The following SLC35D2 variants were observed in gnomAD, a reference collection of about 807,000 sequenced individuals.
SLC35D2 encodes the protein solute carrier family 35 member D2.
A neutral mutation model predicts 41.8 loss-of-function variants in SLC35D2; 43 were observed. The observed-to-expected ratio is 1.03, with a 90% CI of 0.81 to 1.33. The LOEUF (loss-of-function observed/expected upper bound fraction) is 1.33, where lower values mean the gene tolerates loss of function less well. Ranked by LOEUF, SLC35D2 falls within the 40% of genes most tolerant of loss-of-function variation. The probability of loss-of-function intolerance (pLI) is 0.00; values close to 1 mark genes in which losing one functional copy is unlikely to be tolerated. For missense variants in SLC35D2, 380 were observed against 408.4 expected, an observed-to-expected ratio of 0.93 and a Z score of 0.60; for synonymous variants, 150 against 163.9, an observed-to-expected ratio of 0.92 and a Z score of 0.65.
intron 4 of SLC35D2, among the ~76,000 whole-genome samples, chr9:96,355,535 C>T (rs1463387136): frequency 6.7e-6 from 1 of 150,346 alleles, no homozygotes. Context: ...TTTCGCTCGT[C>T]GCCCAGGCTG....
rs1191766180 is a variant in SLC35D2 at position 96,321,261 on chromosome 9, C to T, written c.995G>A (p.Cys332Tyr). The T allele has an allele frequency of 6.2e-7, 1 of 1,613,728 alleles. No homozygotes were observed. Among genetic ancestry groups the T allele is most frequent in the African/African-American group, 1.3e-5 (1 of 75,038 alleles). ...KPKPVGEENI[C>Y]LDLKS ...GACTCTTTAGCTCTTCAAATCCAAA[C>T]AGATGTTTTCTTCACCCACAGGTTT... is the stretch of plus-strand genomic sequence containing the variant. Residue 332 changes from cysteine (C) to tyrosine (Y), a missense_variant, in exon 12 of 12, where the codon TGT becomes TAT. Physicochemically the swap from Cys to Tyr is radical, Grantham distance 194 (BLOSUM62 -2). Coordinates refer to ENST00000253270, the MANE Select transcript of SLC35D2 (RefSeq NM_007001.3).
Position 96,352,104 on chromosome 9 carries a change from G to C in SLC35D2, c.353C>G (p.Pro118Arg). Residue 118 changes from proline (P) to arginine (R), a missense_variant, in exon 5 of 12, where the codon CCG becomes CGG. Physicochemically the swap from Pro to Arg is moderately radical, Grantham distance 103. Transcript: ENST00000253270. ...GAATTTCCTGAGCACGGTGAACATC[G>C]GTAGGCTGCCAGGAAAAGAGTGAAG... The part of the protein sequence containing the change: ...GLSSTSKLSL[P>R]MFTVLRKFTI... 6.2e-7 allele frequency: 1 copy of C among 1,609,846 alleles called. No homozygotes were observed. The highest frequency in any genetic ancestry group is 8.5e-7 in the Non-Finnish European group (1 of 1,177,272).
At chr9:96,373,884 AGTT>A (rs1587723175) in intron 1 of SLC35D2, 2 of 152,216 alleles carry the variant, frequency 1.3e-5, no homozygotes, top group African/African-American at 4.8e-5. Context: ...TATTTTAGGA[AGTT>A]GTTGTTAAGT....
intron 4 of SLC35D2, among the ~76,000 whole-genome samples, chr9:96,355,363 A>C (rs931150322): frequency 4.6e-5 from 7 of 151,928 alleles, no homozygotes; most frequent in African/African-American, 7.2e-5. Flanking sequence ...GAATGTCTGT[A>C]GTCTCAGCCA....
Position 96,322,062 on chromosome 9 carries a change from T to C in SLC35D2, c.850A>G (p.Ile284Val), listed in dbSNP as rs1253655747. The change falls in exon 11 of 12, where the codon ATT (isoleucine) becomes GTT (valine). Residue 284 changes from isoleucine (I) to valine (V), a missense_variant. Ile to Val is a conservative substitution (Grantham distance 29). Coordinates refer to ENST00000253270, the MANE Select transcript of SLC35D2 (RefSeq NM_007001.3). ...GAIKNVSVAY[I>V]GILIGGDYIF... The stretch of plus-strand genomic sequence containing the variant: ...TAGTCTCCACCGATTAATATCCCAA[T>C]GTAGGCAACGGATACATTCTGCAGA... The C allele has an allele frequency of 5.6e-6, 9 of 1,603,610 alleles. No individual in the cohort carries two copies. Among genetic ancestry groups the C allele is most frequent in the South Asian group, 2.2e-5 (2 of 90,596 alleles).
intron 1 of SLC35D2, among the ~76,000 whole-genome samples, chr9:96,373,032 T>C (rs1041213651): frequency 1.3e-5 from 2 of 151,810 alleles, no homozygotes; most frequent in African/African-American, 4.8e-5. Context: ...TCCGAATGTC[T>C]GGGATTACAG....
At chr9:96,376,055 G>C (rs1478686856) in intron 1 of SLC35D2, among the ~76,000 whole-genome samples, 1 of 151,750 alleles carries the variant, frequency 6.6e-6, no homozygotes, top group Non-Finnish European at 1.5e-5. Context: ...TAGCACTTTG[G>C]GAGGCTGAGG....
chr9:96,342,172 G>A lies in SLC35D2; in HGVS notation c.684+1732C>T, dbSNP rs58606368. ...GTCACCCAGGCTGGAGTGCAATAGC[G>A]TGATCTCGGCTCACTGCAACCTCTG... is the stretch of plus-strand genomic sequence containing the variant. On this transcript the variant is annotated intron_variant, in intron 8 of 11. Transcript: ENST00000253270. Among the ~76,000 whole-genome samples the A allele has an allele frequency of 2.5e-3, 377 of 151,868 alleles. 1 individual carries two copies. The highest frequency in any genetic ancestry group is 8.5e-3 in the African/African-American group (351 of 41,402).
rs112662298 is a variant in SLC35D2, at chr9:96,349,532, C to CTT, written c.488+1569_488+1570dup. On this transcript the variant is annotated intron_variant, in intron 6 of 11. Coordinates refer to ENST00000253270, the MANE Select transcript of SLC35D2 (RefSeq NM_007001.3). Reference sequence around the variant, plus strand: ...TCTCAATCTGCTCTTTTGTCAGTTCCTTTTTTTTTTTGAGATGGAGTCTCA... The same window carrying CTT: ...TCTCAATCTGCTCTTTTGTCAGTTCCTTTTTTTTTTTTTGAGATGGAGTCTCA... 1.5e-3 allele frequency among the ~76,000 whole-genome samples: 215 copies of CTT among 146,958 alleles called. 1 individual carries two copies. The highest frequency in any genetic ancestry group is 5.1e-3 in the African/African-American group (205 of 40,366).
At chr9:96,373,088 T>C (rs1830780275) in intron 1 of SLC35D2, among the ~76,000 whole-genome samples, 1 of 151,280 alleles carries the variant, frequency 6.6e-6, no homozygotes, top group African/African-American at 2.4e-5. Context: ...TTAGTAGAGA[T>C]TGGGTTTCAC....
intron 10 of SLC35D2, among the ~76,000 whole-genome samples, chr9:96,323,881 G>A (rs1395083612): frequency 1.3e-5 from 2 of 151,710 alleles, no homozygotes; most frequent in Non-Finnish European, 2.9e-5. Context: ...AACCAAGATC[G>A]TGTCACTGAA....
chr9:96,364,461 T>TA lies in SLC35D2; in HGVS notation c.279+2dup. 6.6e-7 allele frequency: 1 copy of TA among 1,520,840 alleles called. No homozygotes were observed. Among genetic ancestry groups the TA allele is most frequent in the Non-Finnish European group, 9.1e-7 (1 of 1,096,976 alleles). The allele number at this position is 1,520,840 out of a possible 1,614,324, so 94.2% of individuals were successfully genotyped here. On this transcript the variant is annotated splice_region_variant and intron_variant, in intron 3 of 11. Transcript: ENST00000253270. ...ACAGTCATACATACTTTTCATTACT[T>TA]ACCTTTACAGGAATTTTCTTATCAA...
rs1163715845 is a variant in SLC35D2 at position 96,351,177 on chromosome 9, A to G, written c.420-6T>C. ...TGTTGAGTGAATACTGCTTCCTGTA[A>G]TAAATACACAAATAAGAAAGGAAAG... On this transcript the variant is annotated splice_region_variant and splice_polypyrimidine_tract_variant and intron_variant, in intron 5 of 11. Transcript: ENST00000253270. 6.3e-7 allele frequency: 1 copy of G among 1,579,596 alleles called. No homozygotes were observed.
intron 4 of SLC35D2, among the ~76,000 whole-genome samples, chr9:96,356,890 G>T (rs1830049106): frequency 1.3e-5 from 2 of 150,338 alleles, no homozygotes; most frequent in Non-Finnish European, 3.0e-5. Context: ...AATAATAATA[G>T]AGATAGATAG....
chr9:96,376,196 G>A (rs1177335768), intron 1 of SLC35D2, among the ~76,000 whole-genome samples: 2 of 151,394 alleles, frequency 1.3e-5, no homozygotes. Context: ...TCGGGAGGCT[G>A]AGGCAGGAGA....
At chr9:96,374,641 T>C (rs1474533341) in intron 1 of SLC35D2, among the ~76,000 whole-genome samples, 3 of 151,104 alleles carry the variant, frequency 2.0e-5, no homozygotes, top group Non-Finnish European at 4.4e-5. Context: ...GAGACCATCC[T>C]AGCTAGGACG....
At chr9:96,370,883 G>A (rs1830646722) in intron 1 of SLC35D2, among the ~76,000 whole-genome samples, 1 of 152,068 alleles carries the variant, frequency 6.6e-6, no homozygotes, top group Non-Finnish European at 1.5e-5. Flanking sequence ...AAGAAAGCAT[G>A]CAGACCTAAG....
At chr9:96,333,940 C>T (rs1038170274) in intron 9 of SLC35D2, among the ~76,000 whole-genome samples, 1 of 151,852 alleles carries the variant, frequency 6.6e-6, no homozygotes, top group Non-Finnish European at 1.5e-5. Flanking sequence ...TCTTATTTTT[C>T]GATTAGAGAG....
intron 4 of SLC35D2, chr9:96,357,274 C>T (rs535433945): frequency 3.7e-4 from 57 of 152,282 alleles, no homozygotes; most frequent in Middle Eastern, 6.8e-3. Flanking sequence ...CAAGACAATA[C>T]AATGGAAAAA....
Sources: gnomAD v4.1 joint callset for allele counts (sites outside exome capture counted in the v4.1 genomes callset) on GRCh38, gnomAD v4.1.1 for gene constraint, MANE v1.5 for transcripts, NCBI Gene and HGNC (gene_info 2026-07-23, HGNC 2026-07-21) for gene names.